The following TULP4 variants were observed in gnomAD, a reference collection of about 807,000 sequenced individuals.
The protein encoded by TULP4 is TUB like protein 4, also known as tubby-related protein 4.
TULP4 carries 16 observed loss-of-function variants against 129.0 expected under a neutral mutation model. The ratio of observed to expected loss-of-function variants is 0.12; its 90% CI spans 0.08 to 0.19. The LOEUF is 0.19. Among genes scored for constraint, TULP4 ranks in the 10% least tolerant of loss-of-function variants. The pLI is 1.00. For missense variants in TULP4, 1,842 were observed against 2,059.1 expected (o/e 0.89, Z 2.04); for synonymous variants, 998 against 854.0 (o/e 1.17, Z -2.94).
At chr6:158,391,620 A>G (rs111261039) in intron 1 of TULP4, among the ~76,000 whole-genome samples, 6,236 of 152,248 alleles carry the variant, frequency 0.041, 139 homozygotes, top group African/African-American at 0.052. Flanking sequence ...TTTCATACCT[A>G]GTGTCATAAA....
At chr6:158,396,655 T>C (rs1777725320) in intron 1 of TULP4, among the ~76,000 whole-genome samples, 1 of 152,126 alleles carries the variant, frequency 6.6e-6, no homozygotes, top group African/African-American at 2.4e-5. Context: ...GTAAAATGCA[T>C]AAAAAGAAGG....
intron 5 of TULP4, among the ~76,000 whole-genome samples, chr6:158,461,020 G>A (rs750309527): frequency 2.6e-5 from 4 of 152,028 alleles, no homozygotes; most frequent in Non-Finnish European, 4.4e-5. Flanking sequence ...TAATTTGGTT[G>A]TGTTTCAGTA....
intron 1 of TULP4, among the ~76,000 whole-genome samples, chr6:158,269,588 T>C (rs1264826786): frequency 6.6e-6 from 1 of 152,212 alleles, no homozygotes; most frequent in Non-Finnish European, 1.5e-5. Flanking sequence ...TCCGTGATTC[T>C]TCATCCCTGA....
At chr6:158,504,982 A>AGTAGGACCC (rs981222613) in intron 13 of TULP4, among the ~76,000 whole-genome samples, 3 of 78,830 alleles carry the variant, frequency 3.8e-5, no homozygotes, top group African/African-American at 6.4e-5. Context: ...TATGCTAGTC[A>AGTAGGACCC]ATAGCTGAGC....
Position 158,511,705 on chromosome 6 carries a change from G to A in TULP4, c.*5011G>A, listed in dbSNP as rs1302189306. On this transcript the variant is annotated 3_prime_UTR_variant, in exon 14 of 14. Coordinates refer to ENST00000367097, the MANE Select transcript of TULP4 (RefSeq NM_020245.5). ...AATGGTTTGCATTCAAAACGATGTG[G>A]TTTGTCCAAGTTATTTTCTGTCTTT... The A allele has an allele frequency of 1.3e-5, 2 of 152,290 alleles. No homozygotes were observed. The highest frequency in any genetic ancestry group is 6.5e-5 in the Admixed American group (1 of 15,286). The allele number at this position is 152,290 out of a possible 1,614,324, so 9.4% of individuals were successfully genotyped here.
At chr6:158,420,835 T>C (rs1370659087) in intron 2 of TULP4, among the ~76,000 whole-genome samples, 1 of 152,144 alleles carries the variant, frequency 6.6e-6, no homozygotes, top group African/African-American at 2.4e-5. Flanking sequence ...TTACAGAATA[T>C]GTTTAATAGA....
chr6:158,266,411 C>T (rs1306592409), intron 1 of TULP4, among the ~76,000 whole-genome samples: 1 of 152,134 alleles, frequency 6.6e-6, no homozygotes, highest in Non-Finnish European at 1.5e-5. Flanking sequence ...CACGTGCCAC[C>T]ACGCCCAGCT....
chr6:158,232,223 C>G (rs1478762818), upstream of TULP4: 1 of 147,904 alleles, frequency 6.8e-6, no homozygotes, highest in African/African-American at 2.5e-5. Context: ...CGGGGGGAGG[C>G]GGCGGCGGCG....
intron 13 of TULP4, 32 bp from the exon 14 acceptor site, chr6:158,506,546 T>G (rs1397126529): frequency 1.4e-6 from 2 of 1,458,490 alleles, no homozygotes; most frequent in East Asian, 2.3e-5. Flanking sequence ...ACCTTATTCT[T>G]TAATGTCTTT....
At chr6:158,349,030 C>T (rs868449178) in intron 1 of TULP4, among the ~76,000 whole-genome samples, 2,509 of 50,296 alleles carry the variant, frequency 0.05, 5 homozygotes, top group East Asian at 0.065. Context: ...ACGGGGCAGC[C>T]GGGCAGAGGC....
intron 10 of TULP4, 98 bp from the exon 11 acceptor site, chr6:158,494,655 G>A (rs3763173): frequency 2.7e-5 from 30 of 1,130,444 alleles, no homozygotes; most frequent in Admixed American, 6.3e-5. Context: ...GTGCACACTC[G>A]TGGCTTAAGT....
At chr6:158,486,139 C>T (rs574438095) in intron 8 of TULP4, among the ~76,000 whole-genome samples, 3 of 152,192 alleles carry the variant, frequency 2.0e-5, no homozygotes, top group African/African-American at 7.2e-5. Context: ...TGAATTGTGC[C>T]CCCACGTCAC....
chr6:158,242,610 G>A (rs1777945079), intron 1 of TULP4: 1 of 708,106 alleles, frequency 1.4e-6, no homozygotes, highest in African/African-American at 1.7e-5. Flanking sequence ...TAACAGTTTG[G>A]TGCAAGTATT....
Position 158,503,016 on chromosome 6 carries a change from G to T in TULP4, c.3353G>T (p.Arg1118Leu), listed in dbSNP as rs367675484. 5 of 1,613,944 alleles carry T rather than the reference G, an allele frequency of 3.1e-6. No individual in the cohort carries two copies. In the African/African-American group the frequency reaches 6.7e-5, roughly 22 times the overall value. The change falls in exon 13 of 14, where the codon CGG becomes CTG. Residue 1118 changes from arginine (R) to leucine (L), a missense_variant. Arg to Leu is a moderately radical substitution (Grantham distance 102, BLOSUM62 -2). Around this residue, in one of 5 missense-constraint regions of TULP4, gnomAD observed 1,089 missense variants for 987.1 expected, o/e 1.10. Coordinates refer to ENST00000367097, the MANE Select transcript of TULP4 (RefSeq NM_020245.5). The surrounding 1 kb of genome is among the most constrained non-coding windows in gnomAD (Gnocchi z 4.3). ...CCTGAAGCTGCTGTCACCCTGAAAC[G>T]GCCACCCCCTTACCAGTGGGACCCC... ...PLPEAAVTLK[R>L]PPPYQWDPML... is the part of the protein sequence containing the mutation.
At chr6:158,309,436 G>C (rs376591193), upstream of TULP4, among the ~76,000 whole-genome samples, 1 of 138,070 alleles carries the variant, frequency 7.2e-6, no homozygotes, top group Admixed American at 7.2e-5. Context: ...GGCTCCTCAC[G>C]TCCCAGACGA....
chr6:158,450,049 A>G (rs1196255759), intron 4 of TULP4, among the ~76,000 whole-genome samples: 1 of 152,212 alleles, frequency 6.6e-6, no homozygotes, highest in East Asian at 1.9e-4. Context: ...TAGGTATTTG[A>G]AACTATATAA....
chr6:158,450,958 C>T (rs546230124), intron 4 of TULP4, among the ~76,000 whole-genome samples: 21 of 151,956 alleles, frequency 1.4e-4, no homozygotes, highest in African/African-American at 4.8e-4. Flanking sequence ...CCAGCTACTC[C>T]GGAGGCTGAG....
At chr6:158,477,596 T>C (rs1343935226) in intron 6 of TULP4, among the ~76,000 whole-genome samples, 2 of 152,192 alleles carry the variant, frequency 1.3e-5, no homozygotes, top group Non-Finnish European at 2.9e-5. Flanking sequence ...ATGGCCATTA[T>C]TAAAAAATCA....
At chr6:158,499,352 A>G (rs1312428890) in intron 12 of TULP4, among the ~76,000 whole-genome samples, 1 of 152,238 alleles carries the variant, frequency 6.6e-6, no homozygotes, top group East Asian at 1.9e-4. Flanking sequence ...CTCAGTGCAC[A>G]GGGGCCTGGT....
Sources: allele counts gnomAD v4.1 joint callset (sites outside exome capture counted in the v4.1 genomes callset), GRCh38; gene constraint gnomAD v4.1.1; regional missense constraint gnomAD v4.1.1; non-coding constraint Gnocchi (gnomAD v3.1); transcripts MANE v1.5; gene names NCBI Gene and HGNC (gene_info 2026-07-23, HGNC 2026-07-21).